Variants in PTK2 observed in about 807,000 individuals in gnomAD.
The protein encoded by PTK2 is focal adhesion kinase 1.
PTK2 carries 45 observed loss-of-function variants against 150.1 expected under a neutral mutation model. The ratio of observed to expected loss-of-function variants is 0.30; its 90% CI spans 0.24 to 0.38. The LOEUF (loss-of-function observed/expected upper bound fraction) is 0.38, where lower values mean the gene tolerates loss of function less well. Ranked by LOEUF, PTK2 falls within the 10% of genes least tolerant of loss-of-function variation. The pLI is 1.00. For missense variants in PTK2, 919 were observed against 1,307.3 expected (o/e 0.70, Z 4.58); for synonymous variants, 432 against 449.2 (o/e 0.96, Z 0.48).
intron 1 of PTK2, among the ~76,000 whole-genome samples, chr8:140,945,135 T>C (rs1296823981): frequency 6.6e-6 from 1 of 152,204 alleles, no homozygotes; most frequent in Non-Finnish European, 1.5e-5. Context: ...CACTGATGAA[T>C]TGGCTTGGAT....
intron 14 of PTK2, among the ~76,000 whole-genome samples, chr8:140,784,591 C>G (rs1595508860): frequency 6.6e-6 from 1 of 152,150 alleles, no homozygotes. Context: ...TCCCTCCCCA[C>G]AGAGGCCACA....
intron 4 of PTK2, among the ~76,000 whole-genome samples, chr8:140,874,482 C>A (rs2100144415): frequency 6.6e-6 from 1 of 152,092 alleles, no homozygotes; most frequent in Admixed American, 6.5e-5. Flanking sequence ...TAGATGTCTG[C>A]AGGTGACAGA....
chr8:140,725,200 C>G (rs2100045031), intron 22 of PTK2, among the ~76,000 whole-genome samples: 1 of 152,148 alleles, frequency 6.6e-6, no homozygotes, highest in African/African-American at 2.4e-5. Flanking sequence ...GTGGCTCGAT[C>G]ACGGCTCACT....
At chr8:140,811,784 T>C (rs550069784) in intron 10 of PTK2, among the ~76,000 whole-genome samples, 2 of 152,194 alleles carry the variant, frequency 1.3e-5, no homozygotes, top group African/African-American at 4.8e-5. Context: ...TAAGTATTAA[T>C]AGCCTAACAG....
At chr8:140,873,720 C>T (rs1019899414) in intron 4 of PTK2, among the ~76,000 whole-genome samples, 1 of 152,266 alleles carries the variant, frequency 6.6e-6, no homozygotes, top group African/African-American at 2.4e-5. Context: ...CCCACCTTGG[C>T]CTCCAAAAGT....
intron 1 of PTK2, among the ~76,000 whole-genome samples, chr8:140,997,746 T>C (rs1338155165): frequency 1.3e-5 from 2 of 152,038 alleles, no homozygotes; most frequent in Admixed American, 6.6e-5. Context: ...CACGACCAAC[T>C]TGTGCAACAT....
At chr8:140,725,981 GAA>G (rs2100045538) in intron 22 of PTK2, among the ~76,000 whole-genome samples, 1 of 151,804 alleles carries the variant, frequency 6.6e-6, no homozygotes, top group Non-Finnish European at 1.5e-5. Context: ...GGGTATAAAA[GAA>G]AATTTATTCA....
rs113922940 is a variant in PTK2, at chr8:140,891,855, A to T, written c.-32-1086T>A. On this transcript the variant is annotated intron_variant, in intron 2 of 31. Transcript: ENST00000522684. Reference sequence around the variant, plus strand: ...ACATCCCCAGGCTTGCAGTGAGAACAGCTGGGTGCAGAAGCAAAGGGAGCT... The same window carrying T: ...ACATCCCCAGGCTTGCAGTGAGAACTGCTGGGTGCAGAAGCAAAGGGAGCT... Among the ~76,000 whole-genome samples the T allele has an allele frequency of 8.6e-3, 1,303 of 152,350 alleles. 17 individuals carry two copies. The highest frequency in any genetic ancestry group is 0.03 in the African/African-American group (1,232 of 41,588).
intron 1 of PTK2, among the ~76,000 whole-genome samples, chr8:140,980,041 T>A (rs535336541): frequency 1.3e-5 from 2 of 152,210 alleles, no homozygotes; most frequent in South Asian, 2.1e-4. Flanking sequence ...ACTAGTCAGG[T>A]TGAAGACTGG....
intron 2 of PTK2, among the ~76,000 whole-genome samples, chr8:140,907,127 T>G (rs149916861): frequency 5.7e-4 from 87 of 152,280 alleles, no homozygotes; most frequent in South Asian, 1.2e-3. Flanking sequence ...TTCCAACTGG[T>G]CCTAGCGAAA....
At chr8:140,964,871 T>G (rs1252725083) in intron 1 of PTK2, among the ~76,000 whole-genome samples, 2 of 152,178 alleles carry the variant, frequency 1.3e-5, no homozygotes, top group Non-Finnish European at 2.9e-5. Context: ...TTGCCCTTAA[T>G]GAGTTTCAAC....
chr8:140,696,633 C>CA (rs1349832389), intron 26 of PTK2, among the ~76,000 whole-genome samples: 1 of 151,908 alleles, frequency 6.6e-6, no homozygotes, highest in Non-Finnish European at 1.5e-5. Context: ...TCTTTAAAGA[C>CA]AAAAAGGTGT....
intron 8 of PTK2, among the ~76,000 whole-genome samples, chr8:140,823,734 C>A (rs2100110240): frequency 6.6e-6 from 1 of 152,196 alleles, no homozygotes; most frequent in South Asian, 2.1e-4. Flanking sequence ...CTGAATGCAT[C>A]ACGGGCAGTC....
rs58481152 is a variant in PTK2, at chr8:141,000,127, C to CACACACACACACACACACACACACACACA, written c.-122+997_-122+998insTGTGTGTGTGTGTGTGTGTGTGTGTGTGT. On this transcript the variant is annotated intron_variant, in intron 1 of 31. Transcript: ENST00000522684. ...CACACACACACACACACACACACAC[C>CACACACACACACACACACACACACACACA]CCTTCTTCTAAGAAAGAACAGGATG... 1.9e-3 allele frequency among the ~76,000 whole-genome samples: 232 copies of CACACACACACACACACACACACACACACA among 123,814 alleles called. 9 individuals are homozygous for CACACACACACACACACACACACACACACA. Among genetic ancestry groups the CACACACACACACACACACACACACACACA allele is most frequent in the African/African-American group, 2.5e-3 (89 of 35,060 alleles). The allele number at this position is 123,814 out of a possible 152,430, so 81.2% of individuals were successfully genotyped here.
chr8:140,971,267 T>C (rs1194569932), intron 1 of PTK2, among the ~76,000 whole-genome samples: 1 of 152,208 alleles, frequency 6.6e-6, no homozygotes, highest in Non-Finnish European at 1.5e-5. Context: ...ACAAAAATTA[T>C]GAAAGTATTA....
chr8:140,995,765 G>A (rs888246021), intron 1 of PTK2, among the ~76,000 whole-genome samples: 3 of 152,010 alleles, frequency 2.0e-5, no homozygotes, highest in Non-Finnish European at 4.4e-5. Flanking sequence ...GGCACAAAGC[G>A]AGACTCTGTC....
rs539833929 is a variant in PTK2, at chr8:140,899,845, A to C, written c.-32-9076T>G. 5.9e-5 allele frequency among the ~76,000 whole-genome samples: 9 copies of C among 152,330 alleles called. No individual in the cohort carries two copies. The South Asian group carries it at 1.7e-3, about 28-fold the overall frequency. On this transcript the variant is annotated intron_variant, in intron 2 of 31. Transcript: ENST00000522684. ...TATCACATTAACAGAACAAAGAAGAAAAAACCATATGGTCTCATCTCAATA... is the reference window on the plus strand; with the variant it reads ...TATCACATTAACAGAACAAAGAAGACAAAACCATATGGTCTCATCTCAATA...
intron 1 of PTK2, among the ~76,000 whole-genome samples, chr8:140,984,983 G>A (rs1420185499): frequency 6.6e-6 from 1 of 152,042 alleles, no homozygotes; most frequent in African/African-American, 2.4e-5. Flanking sequence ...AACAACTGTG[G>A]ACACATAATC....
At chr8:140,804,973 C>A (rs748680224) in intron 10 of PTK2, among the ~76,000 whole-genome samples, 1 of 152,136 alleles carries the variant, frequency 6.6e-6, no homozygotes, top group Non-Finnish European at 1.5e-5. Flanking sequence ...TTTCCCAGTT[C>A]TTTTTACTGG....
Sources: gnomAD v4.1 joint callset for allele counts (sites outside exome capture counted in the v4.1 genomes callset) on GRCh38, gnomAD v4.1.1 for gene constraint, MANE v1.5 for transcripts, NCBI Gene and HGNC (gene_info 2026-07-23, HGNC 2026-07-21) for gene names.